CYB5A: variants seen among roughly 807,000 people sequenced by gnomAD.
The protein encoded by CYB5A is cytochrome b5.
Under a neutral mutation model 16.2 loss-of-function variants are expected in CYB5A, and 10 were observed. The observed-to-expected ratio is 0.62, with a 90% confidence interval of 0.38 to 1.04. The LOEUF is 1.04. Among genes scored for constraint, CYB5A ranks in the 50% least tolerant of loss-of-function variants. The pLI, the probability that CYB5A is intolerant of heterozygous loss-of-function variation, is 0.01. For synonymous variants in CYB5A, 62 were observed against 57.0 expected, an observed-to-expected ratio of 1.09 and a Z score of -0.40; for missense variants, 161 against 165.9, an observed-to-expected ratio of 0.97 and a Z score of 0.16.
intron 1 of CYB5A, among the ~76,000 whole-genome samples, chr18:74,281,763 G>GTGTGTGTGTGTGTT (rs960400983): frequency 0.03 from 4,564 of 150,688 alleles, 230 homozygotes; most frequent in African/African-American, 0.1. Context: ...GTGTGTGTGT[G>GTGTGTGTGTGTGTT]TGTGTATGTG....
At chr18:74,266,631 G>A (rs1389802931) in intron 1 of CYB5A, among the ~76,000 whole-genome samples, 1 of 151,978 alleles carries the variant, frequency 6.6e-6, no homozygotes, top group African/African-American at 2.4e-5. Context: ...AAGTACAACA[G>A]GGCAACTCCT....
At chr18:74,282,376 G>A (rs1373889013) in intron 1 of CYB5A, among the ~76,000 whole-genome samples, 2 of 151,966 alleles carry the variant, frequency 1.3e-5, no homozygotes, top group African/African-American at 2.4e-5. Context: ...AGAGTAAGAA[G>A]GGATCACACT....
intron 1 of CYB5A, among the ~76,000 whole-genome samples, chr18:74,265,024 C>T (rs1405905076): frequency 6.6e-6 from 1 of 152,186 alleles, no homozygotes; most frequent in Non-Finnish European, 1.5e-5. Context: ...AAGTCACCTG[C>T]AAGTGTCCAA....
intron 1 of CYB5A, among the ~76,000 whole-genome samples, chr18:74,284,757 G>A (rs915863965): frequency 2.6e-5 from 4 of 151,892 alleles, no homozygotes; most frequent in South Asian, 2.1e-4. Context: ...CTTATCCCTC[G>A]CCCCCTCCAG....
chr18:74,265,699 T>A (rs936096878), intron 1 of CYB5A, among the ~76,000 whole-genome samples: 11 of 152,218 alleles, frequency 7.2e-5, no homozygotes, highest in African/African-American at 2.4e-4. Context: ...CTGCTCGGCC[T>A]CTGGTGAGGC....
intron 1 of CYB5A, among the ~76,000 whole-genome samples, chr18:74,286,024 GA>G (rs530859877): frequency 1.3e-3 from 195 of 152,278 alleles, no homozygotes; most frequent in African/African-American, 4.4e-3. Flanking sequence ...AGGAGTTACT[GA>G]AATTCAGGAC....
At chr18:74,282,520 G>A (rs1392099265) in intron 1 of CYB5A, among the ~76,000 whole-genome samples, 2 of 152,208 alleles carry the variant, frequency 1.3e-5, no homozygotes, top group Non-Finnish European at 1.5e-5. Flanking sequence ...CATGGGCCAG[G>A]TGCACAGCAG....
At chr18:74,264,740 G>A (rs1312148601) in intron 1 of CYB5A, among the ~76,000 whole-genome samples, 2 of 152,160 alleles carry the variant, frequency 1.3e-5, no homozygotes, top group African/African-American at 4.8e-5. Flanking sequence ...GAATAAAAGA[G>A]TTTTAGTGCT....
intron 3 of CYB5A, chr18:74,256,921 C>T (rs1982008497): frequency 2.2e-6 from 3 of 1,378,284 alleles, no homozygotes; most frequent in African/African-American, 2.9e-5. Context: ...TCTATTCCAG[C>T]AATTTTAAAA....
chr18:74,256,869 A>G, intron 3 of CYB5A: 2 of 1,611,242 alleles, frequency 1.2e-6, no homozygotes, highest in Non-Finnish European at 1.7e-6. Context: ...ACAGTAGGGG[A>G]AAAAAGGTAA....
rs941242946 is a variant in CYB5A at position 74,251,898 on chromosome 18, G to A, written c.*1686C>T. Reference sequence around the variant, plus strand: ...TGCTATTACTCAACATCTTAAAAATGATTTACAAGTTAACCCTTTAATGTC... The same window carrying A: ...TGCTATTACTCAACATCTTAAAAATAATTTACAAGTTAACCCTTTAATGTC... On this transcript the variant is annotated 3_prime_UTR_variant, in exon 5 of 5. Coordinates refer to ENST00000340533, the MANE Select transcript of CYB5A (RefSeq NM_148923.4). 1 of 152,170 alleles carries A rather than the reference G, an allele frequency of 6.6e-6. No individual in the cohort carries two copies. Among genetic ancestry groups the A allele is most frequent in the Admixed American group, 6.5e-5 (1 of 15,278 alleles). 9.4% of individuals were successfully genotyped at this position (152,170 alleles called of 1,614,324 possible).
chr18:74,253,270 T>C lies in CYB5A; in HGVS notation c.*314A>G, dbSNP rs1981832215. 2.9e-6 allele frequency: 1 copy of C among 344,600 alleles called. No individual in the cohort carries two copies. The highest frequency in any genetic ancestry group is 4.2e-5 in the Admixed American group (1 of 23,546). The allele number at this position is 344,600 out of a possible 1,614,324, so 21.3% of individuals were successfully genotyped here. A position where few individuals can be genotyped will look rare whatever the true frequency, so the allele number is the denominator to read the frequency against. ...AGATTCTAAACATTAAAGACAATTA[T>C]ACACCAAACAGGCAAACACGGTGCA... On this transcript the variant is annotated 3_prime_UTR_variant, in exon 5 of 5. Transcript: ENST00000340533.
intron 3 of CYB5A, chr18:74,256,858 C>T (rs367955790): frequency 6.2e-7 from 1 of 1,613,408 alleles, no homozygotes; most frequent in Non-Finnish European, 8.5e-7. Flanking sequence ...AGGTTCCTGA[C>T]ACAGTAGGGG....
chr18:74,265,039 T>C (rs1257468789), intron 1 of CYB5A, among the ~76,000 whole-genome samples: 1 of 152,224 alleles, frequency 6.6e-6, no homozygotes, highest in East Asian at 1.9e-4. Flanking sequence ...GTCCAACAAC[T>C]GCACAAAAAC....
chr18:74,283,809 G>A (rs779998251), intron 1 of CYB5A, among the ~76,000 whole-genome samples: 1 of 152,200 alleles, frequency 6.6e-6, no homozygotes, highest in Non-Finnish European at 1.5e-5. Flanking sequence ...AGCCTGGACT[G>A]AAGCCCTGGC....
intron 1 of CYB5A, among the ~76,000 whole-genome samples, chr18:74,281,129 G>A (rs1452075496): frequency 6.6e-6 from 1 of 152,182 alleles, no homozygotes; most frequent in Admixed American, 6.5e-5. Context: ...ATGTGGGTAT[G>A]AGAGCAAGAG....
At chr18:74,274,972 C>G (rs1034810636) in intron 1 of CYB5A, among the ~76,000 whole-genome samples, 7 of 152,200 alleles carry the variant, frequency 4.6e-5, no homozygotes, top group African/African-American at 1.4e-4. Flanking sequence ...ATCCTTACCC[C>G]ACTTTTGTCC....
intron 1 of CYB5A, among the ~76,000 whole-genome samples, chr18:74,279,366 A>G (rs774514242): frequency 2.0e-5 from 3 of 152,124 alleles, no homozygotes; most frequent in African/African-American, 4.8e-5. Context: ...TGTCTCTACT[A>G]AAAAATACAA....
At chr18:74,255,501 G>A (rs1981938549) in intron 4 of CYB5A, among the ~76,000 whole-genome samples, 1 of 152,174 alleles carries the variant, frequency 6.6e-6, no homozygotes, top group South Asian at 2.1e-4. Context: ...CAATTGTTCT[G>A]TTTGTTCCTT....
Sources: gnomAD v4.1 joint callset for allele counts (sites outside exome capture counted in the v4.1 genomes callset) on GRCh38, gnomAD v4.1.1 for gene constraint, MANE v1.5 for transcripts, NCBI Gene and HGNC (gene_info 2026-07-23, HGNC 2026-07-21) for gene names.